Variants in FAT3 observed in about 807,000 individuals in gnomAD.
FAT3 encodes the protein protocadherin Fat 3.
Under a neutral mutation model 310.2 loss-of-function variants are expected in FAT3, and 95 were observed. That is an observed-to-expected ratio of 0.31 (90% CI 0.26 to 0.36). The LOEUF (loss-of-function observed/expected upper bound fraction) is 0.36, where lower values mean the gene tolerates loss of function less well. FAT3 is among the 10% of genes least tolerant of loss of function. FAT3 has a pLI of 1.00. For missense variants in FAT3, 5,408 were observed against 5,715.6 expected (o/e 0.95, Z 1.74); for synonymous variants, 2,314 against 2,192.9 (o/e 1.06, Z -1.54).
At chr11:92,881,379 A>G (rs1223937085) in intron 23 of FAT3, among the ~76,000 whole-genome samples, 1 of 152,190 alleles carries the variant, frequency 6.6e-6, no homozygotes, top group Non-Finnish European at 1.5e-5. Flanking sequence ...ATTCCTAGTA[A>G]AATGCCACTT....
intron 1 of FAT3, among the ~76,000 whole-genome samples, chr11:92,236,914 A>G (rs1048181838): frequency 3.9e-5 from 6 of 152,110 alleles, no homozygotes; most frequent in Admixed American, 3.3e-4. Flanking sequence ...CTCCAGGCAT[A>G]CTTTGTACAT....
At chr11:92,385,090 T>C (rs965863641) in intron 2 of FAT3, among the ~76,000 whole-genome samples, 2 of 152,226 alleles carry the variant, frequency 1.3e-5, no homozygotes, top group Non-Finnish European at 2.9e-5. Flanking sequence ...AGAGATTGAA[T>C]GTGAATGTTT....
chr11:92,584,994 G>A (rs1046036704), intron 3 of FAT3, among the ~76,000 whole-genome samples: 1 of 151,920 alleles, frequency 6.6e-6, no homozygotes, highest in African/African-American at 2.4e-5. Context: ...TTGTATTTAT[G>A]TAGAAGCTTT....
At position 92,809,299 on chromosome 11, in the gene FAT3, A is replaced by C. The variant is rs568616262; in HGVS notation, c.9248-544A>C. Among the ~76,000 whole-genome samples, 13 of 152,358 alleles carry C rather than the reference A, an allele frequency of 8.5e-5. No individual in the cohort carries two copies. In the East Asian group the frequency reaches 2.1e-3, roughly 25 times the overall value. On this transcript the variant is annotated intron_variant, in intron 12 of 27. Transcript: ENST00000525166. ...CAAGTTAAGGGTTAACCCTTACACA[A>C]TAGGGGTCCTTCAAGACCCTGCCCC...
intron 2 of FAT3, among the ~76,000 whole-genome samples, chr11:92,501,557 A>C (rs1368003001): frequency 6.6e-6 from 1 of 152,018 alleles, no homozygotes; most frequent in Admixed American, 6.6e-5. Flanking sequence ...TACTTTAAGG[A>C]ATTTCAACAG....
chr11:92,754,797 G>C (rs921553179), intron 4 of FAT3, among the ~76,000 whole-genome samples: 2 of 151,676 alleles, frequency 1.3e-5, no homozygotes, highest in African/African-American at 2.4e-5. Context: ...GAATCTGAGA[G>C]GGGGAGGTTG....
At chr11:92,691,879 A>G (rs975204242) in intron 3 of FAT3, among the ~76,000 whole-genome samples, 13 of 152,320 alleles carry the variant, frequency 8.5e-5, no homozygotes, top group Middle Eastern at 6.8e-3. Context: ...TGTAATGTAT[A>G]TTCTTAGACT....
intron 1 of FAT3, among the ~76,000 whole-genome samples, chr11:92,235,902 T>C (rs956452996): frequency 6.6e-6 from 1 of 152,198 alleles, no homozygotes. Flanking sequence ...TCAAGGAATG[T>C]ATGATAAGGG....
At chr11:92,488,450 G>GCCACCCCCCCCCCCC (rs1467231982) in intron 2 of FAT3, among the ~76,000 whole-genome samples, 2 of 9,334 alleles carry the variant, frequency 2.1e-4, no homozygotes, top group African/African-American at 1.9e-4. Context: ...AACTAGCACC[G>GCCACCCCCCCCCCCC]CCCCCCCCCC....
chr11:92,662,034 T>G (rs75629073), intron 3 of FAT3, among the ~76,000 whole-genome samples: 1,671 of 152,246 alleles, frequency 0.011, 75 homozygotes, highest in East Asian at 0.11. Flanking sequence ...TATATTAATA[T>G]TATTACGACT....
intron 3 of FAT3, among the ~76,000 whole-genome samples, chr11:92,636,312 T>C (rs1040541081): frequency 6.6e-6 from 1 of 152,186 alleles, no homozygotes; most frequent in African/African-American, 2.4e-5. Context: ...TTGGCCGTGA[T>C]ATGTGATTGG....
At chr11:92,664,168 A>G (rs763083386) in intron 3 of FAT3, among the ~76,000 whole-genome samples, 1 of 152,162 alleles carries the variant, frequency 6.6e-6, no homozygotes, top group Admixed American at 6.5e-5. Flanking sequence ...ACCCTCAGAA[A>G]TCCAACTGGA....
Position 92,732,380 on chromosome 11 carries a change from C to T in FAT3, c.3670-29476C>T, listed in dbSNP as rs572280601. On this transcript the variant is annotated intron_variant, in intron 4 of 27. Coordinates refer to ENST00000525166, the MANE Select transcript of FAT3 (RefSeq NM_001367949.2). ...GAACAGGCATTTTTTTCATCCACTA[C>T]TCACTCACTCACCTACTCATTAATC... Among the ~76,000 whole-genome samples the T allele has an allele frequency of 2.0e-5, 3 of 152,224 alleles. No homozygotes were observed. In the South Asian group the frequency reaches 6.2e-4, roughly 32 times the overall value.
At chr11:92,257,746 G>A (rs937564952) in intron 1 of FAT3, among the ~76,000 whole-genome samples, 1 of 152,096 alleles carries the variant, frequency 6.6e-6, no homozygotes, top group Non-Finnish European at 1.5e-5. Flanking sequence ...ATTACTGACT[G>A]CTGATTCATC....
At chr11:92,477,182 T>C (rs539111152) in intron 2 of FAT3, among the ~76,000 whole-genome samples, 6 of 152,216 alleles carry the variant, frequency 3.9e-5, no homozygotes, top group Non-Finnish European at 7.3e-5. Context: ...TAAAATACTT[T>C]CCCACAGAAA....
chr11:92,347,375 C>T (rs1368619510), intron 1 of FAT3, among the ~76,000 whole-genome samples: 3 of 152,142 alleles, frequency 2.0e-5, no homozygotes, highest in South Asian at 2.1e-4. Flanking sequence ...AGTACCCTCC[C>T]GATTTGGCTA....
In FAT3 at chr11:92,835,078, C is replaced by A; in HGVS notation, c.10080C>A (p.Val3360=). 1 of 1,611,740 alleles carries A rather than the reference C, an allele frequency of 6.2e-7. No homozygotes were observed. Among genetic ancestry groups the A allele is most frequent in the South Asian group, 1.1e-5 (1 of 90,536 alleles). Residue 3360 remains valine (V), a synonymous_variant, in exon 15 of 28, where the codon GTC becomes GTA. Transcript: ENST00000525166. ...ISEDALVGDS[V]ILLIAEDVDS... is the part of the protein sequence containing the mutation. ...AAGACGCCTTGGTGGGAGACTCTGT[C>A]ATTTTGGTAGGTACCTGGGGTTGGG... is the stretch of plus-strand genomic sequence containing the variant.
chr11:92,452,509 G>C (rs1951382671), intron 2 of FAT3, among the ~76,000 whole-genome samples: 1 of 152,134 alleles, frequency 6.6e-6, no homozygotes, highest in Non-Finnish European at 1.5e-5. Context: ...AATAACTTAA[G>C]GGTGGTAGTT....
intron 2 of FAT3, among the ~76,000 whole-genome samples, chr11:92,440,389 A>G (rs1020437318): frequency 2.6e-5 from 4 of 152,204 alleles, no homozygotes; most frequent in African/African-American, 9.6e-5. Context: ...GATTTATCCC[A>G]ACCAAGGGGC....
Sources: gnomAD v4.1 joint callset for allele counts (sites outside exome capture counted in the v4.1 genomes callset) on GRCh38, gnomAD v4.1.1 for gene constraint, MANE v1.5 for transcripts, NCBI Gene and HGNC (gene_info 2026-07-23, HGNC 2026-07-21) for gene names.